The following AGAP1 variants were observed in gnomAD, a reference collection of about 807,000 sequenced individuals.
AGAP1 encodes ArfGAP with GTPase domain, ankyrin repeat and PH domain 1.
A neutral mutation model predicts 105.3 loss-of-function variants in AGAP1; 29 were observed. That is an observed-to-expected ratio of 0.28 (90% CI 0.21 to 0.38). The LOEUF is 0.38. Ranked by LOEUF, AGAP1 falls within the 10% of genes least tolerant of loss-of-function variation. The pLI is 1.00. For synonymous variants in AGAP1, 509 were observed against 485.9 expected, an observed-to-expected ratio of 1.05 and a Z score of -0.63; for missense variants, 998 against 1,165.1, an observed-to-expected ratio of 0.86 and a Z score of 2.09.
chr2:235,883,897 A>T lies in AGAP1; in HGVS notation c.1155+448A>T, dbSNP rs2124827769. Among the ~76,000 whole-genome samples the T allele has an allele frequency of 6.6e-6, 1 of 152,368 alleles. No individual in the cohort carries two copies. The highest frequency in any genetic ancestry group is 2.1e-4 in the South Asian group (1 of 4,834). ...GACTCAGCTTTTATTGTCAGATAAC[A>T]CATTCCAGTGCATTAGGCAAAAGAA... On this transcript the variant is annotated intron_variant, in intron 10 of 17. Coordinates refer to ENST00000304032, the MANE Select transcript of AGAP1 (RefSeq NM_001037131.3). The surrounding 1 kb of genome is among the most constrained non-coding windows in gnomAD (Gnocchi z 4.5).
intron 8 of AGAP1, among the ~76,000 whole-genome samples, chr2:235,805,240 T>A (rs1442530656): frequency 6.6e-6 from 1 of 152,204 alleles, no homozygotes; most frequent in Non-Finnish European, 1.5e-5. Context: ...GAAGTTTCAG[T>A]CTCTTTTATC....
chr2:236,105,361 T>G lies in AGAP1; in HGVS notation c.2115-14831T>G, dbSNP rs1321537655. On this transcript the variant is annotated intron_variant, in intron 16 of 17. Coordinates refer to ENST00000304032, the MANE Select transcript of AGAP1 (RefSeq NM_001037131.3). This position sits in a 1 kb window ranked among gnomAD's most constrained non-coding sequence, Gnocchi z 4.2. ...CAAGGACAGAGAGGAAGACAAAGGC[T>G]CTGTGAGCTGTGCCTGCTGTAACAA... is the stretch of plus-strand genomic sequence containing the variant. Among the ~76,000 whole-genome samples, 1 of 151,898 alleles carries G rather than the reference T, an allele frequency of 6.6e-6. No individual in the cohort carries two copies. Among genetic ancestry groups the G allele is most frequent in the Admixed American group, 6.6e-5 (1 of 15,236 alleles).
At chr2:235,918,097 G>A (rs1346527670) in intron 11 of AGAP1, among the ~76,000 whole-genome samples, 2 of 152,200 alleles carry the variant, frequency 1.3e-5, no homozygotes, top group Admixed American at 1.3e-4. Context: ...GTCCCCTGCC[G>A]GCATGCGGTG....
intron 12 of AGAP1, among the ~76,000 whole-genome samples, chr2:235,945,823 G>C (rs1046949668): frequency 6.6e-6 from 1 of 151,092 alleles, no homozygotes; most frequent in Admixed American, 6.6e-5. Context: ...TGGCTTCCGG[G>C]GGGGTGCCTC....
At chr2:235,576,042 G>T (rs889230404) in intron 1 of AGAP1, among the ~76,000 whole-genome samples, 2 of 152,126 alleles carry the variant, frequency 1.3e-5, no homozygotes, top group Non-Finnish European at 2.9e-5. Flanking sequence ...GTCACTGTCC[G>T]TGCACAGCCT....
rs977760233 is a variant in AGAP1 at position 236,040,420 on chromosome 2, CAGA to C, written c.1801-328_1801-326del. On this transcript the variant is annotated intron_variant, in intron 14 of 17. Coordinates refer to ENST00000304032, the MANE Select transcript of AGAP1 (RefSeq NM_001037131.3). This position sits in a 1 kb window ranked among gnomAD's most constrained non-coding sequence, Gnocchi z 5.6. ...ACCAAGTAGACATGTGGCTACTGCC[CAGA>C]AGGTTACCCATTTACCTTCTCCAGG... Among the ~76,000 whole-genome samples the C allele has an allele frequency of 6.6e-6, 1 of 152,138 alleles. No homozygotes were observed. Among genetic ancestry groups the C allele is most frequent in the Non-Finnish European group, 1.5e-5 (1 of 68,036 alleles).
Position 236,082,977 on chromosome 2 carries a change from G to A in AGAP1, c.2114+33696G>A, listed in dbSNP as rs977766660. Among the ~76,000 whole-genome samples the A allele has an allele frequency of 2.0e-5, 3 of 151,970 alleles. No individual in the cohort carries two copies. Among genetic ancestry groups the A allele is most frequent in the African/African-American group, 4.8e-5 (2 of 41,376 alleles). On this transcript the variant is annotated intron_variant, in intron 16 of 17. Transcript: ENST00000304032. The surrounding 1 kb of genome is among the most constrained non-coding windows in gnomAD (Gnocchi z 4.2). Reference sequence around the variant, plus strand: ...TCAAGACCAGCCTGACCAACATGGAGAAACCCTGTCTCTACTAAAAATACA... The same window carrying A: ...TCAAGACCAGCCTGACCAACATGGAAAAACCCTGTCTCTACTAAAAATACA...
chr2:235,929,822 G>T (rs1559659686), intron 11 of AGAP1, among the ~76,000 whole-genome samples: 1 of 152,312 alleles, frequency 6.6e-6, no homozygotes, highest in East Asian at 1.9e-4. Flanking sequence ...TAATTGGCCA[G>T]ATTTAAGAAC....
Position 235,739,688 on chromosome 2 carries a change from G to A in AGAP1, c.311-1275G>A, listed in dbSNP as rs1004273687. Among the ~76,000 whole-genome samples, 1 of 152,254 alleles carries A rather than the reference G, an allele frequency of 6.6e-6. No individual in the cohort carries two copies. The highest frequency in any genetic ancestry group is 2.4e-5 in the African/African-American group (1 of 41,470). ...ACACGAGCATGGCAGGAGCTCGCGG[G>A]AACGGGCCAACGCCCCACTGCCCCA... On this transcript the variant is annotated intron_variant, in intron 3 of 17. Transcript: ENST00000304032. The surrounding 1 kb of genome is among the most constrained non-coding windows in gnomAD (Gnocchi z 5.3).
intron 8 of AGAP1, among the ~76,000 whole-genome samples, chr2:235,800,256 G>C (rs961630747): frequency 6.6e-6 from 1 of 151,338 alleles, no homozygotes; most frequent in Admixed American, 6.6e-5. Flanking sequence ...TCACCACTAC[G>C]TGTGGCTAAT....
chr2:235,979,649 A>G lies in AGAP1; in HGVS notation c.1645+11026A>G, dbSNP rs1246830182. On this transcript the variant is annotated intron_variant, in intron 13 of 17. Transcript: ENST00000304032. This position sits in a 1 kb window ranked among gnomAD's most constrained non-coding sequence, Gnocchi z 4.5. ...CCGTGCACGGACACACAACTTCACA[A>G]GGGCCTCTTGTGCACGTGGGACATG... is the stretch of plus-strand genomic sequence containing the variant. Among the ~76,000 whole-genome samples, 2 of 152,150 alleles carry G rather than the reference A, an allele frequency of 1.3e-5. No homozygotes were observed. The highest frequency in any genetic ancestry group is 3.9e-4 in the East Asian group (2 of 5,178).
chr2:235,626,548 T>C (rs1416722390), intron 1 of AGAP1, among the ~76,000 whole-genome samples: 2 of 151,376 alleles, frequency 1.3e-5, no homozygotes, highest in East Asian at 2.0e-4. Context: ...AGAATGTTTG[T>C]GGCAGTGACA....
chr2:235,605,835 A>T (rs1170437857), intron 1 of AGAP1, among the ~76,000 whole-genome samples: 1 of 152,216 alleles, frequency 6.6e-6, no homozygotes, highest in African/African-American at 2.4e-5. Context: ...GACGCGGTGT[A>T]CGCCCTGTGT....
At position 235,824,963 on chromosome 2, in the gene AGAP1, A is replaced by G. The variant is rs949481663; in HGVS notation, c.1050+17632A>G. Among the ~76,000 whole-genome samples, 3 of 152,178 alleles carry G rather than the reference A, an allele frequency of 2.0e-5. No individual in the cohort carries two copies. The highest frequency in any genetic ancestry group is 4.8e-5 in the African/African-American group (2 of 41,440). On this transcript the variant is annotated intron_variant, in intron 9 of 17. Transcript: ENST00000304032. The surrounding 1 kb of genome is among the most constrained non-coding windows in gnomAD (Gnocchi z 5.2). ...TGGAAACCTTCCTTTTTTTATCAACAGTGGAGGAGATTCAGGAGACTTGAT... is the reference window on the plus strand; with the variant it reads ...TGGAAACCTTCCTTTTTTTATCAACGGTGGAGGAGATTCAGGAGACTTGAT...
At position 235,866,755 on chromosome 2, in the gene AGAP1, C is replaced by G. The variant is rs1161114515; in HGVS notation, c.1051-16590C>G. 6.6e-6 allele frequency among the ~76,000 whole-genome samples: 1 copy of G among 152,194 alleles called. No homozygotes were observed. Among genetic ancestry groups the G allele is most frequent in the Non-Finnish European group, 1.5e-5 (1 of 68,046 alleles). On this transcript the variant is annotated intron_variant, in intron 9 of 17. Transcript: ENST00000304032. The surrounding 1 kb of genome is among the most constrained non-coding windows in gnomAD (Gnocchi z 6.1). Reference sequence around the variant, plus strand: ...CAGTGGGATTGGCTTCTCCTGAAGCCTCTCTCCTTGGCTTGCAGACAGCCA... The same window carrying G: ...CAGTGGGATTGGCTTCTCCTGAAGCGTCTCTCCTTGGCTTGCAGACAGCCA...
intron 16 of AGAP1, among the ~76,000 whole-genome samples, chr2:236,067,098 G>T (rs907893653): frequency 2.9e-5 from 3 of 103,054 alleles, no homozygotes; most frequent in Non-Finnish European, 6.3e-5. Context: ...TCTGCTTCTG[G>T]AGTTGGGGTT....
At position 236,076,739 on chromosome 2, in the gene AGAP1, C is replaced by G. The variant is rs765234374; in HGVS notation, c.2114+27458C>G. On this transcript the variant is annotated intron_variant, in intron 16 of 17. Coordinates refer to ENST00000304032, the MANE Select transcript of AGAP1 (RefSeq NM_001037131.3). This position sits in a 1 kb window ranked among gnomAD's most constrained non-coding sequence, Gnocchi z 4.4. ...GCCCCAGCGCTATGAGCATACCTGG[C>G]AACAGACCACTTCCTAGAGAAATGC... is the stretch of plus-strand genomic sequence containing the variant. Among the ~76,000 whole-genome samples the G allele has an allele frequency of 2.6e-5, 4 of 152,134 alleles. No individual in the cohort carries two copies. Among genetic ancestry groups the G allele is most frequent in the Non-Finnish European group, 5.9e-5 (4 of 68,018 alleles).
intron 1 of AGAP1, chr2:235,670,702 G>A (rs1454460801): frequency 2.7e-6 from 2 of 747,862 alleles, no homozygotes; most frequent in African/African-American, 1.8e-5. Context: ...CGACCGCCAC[G>A]CAGCCCGCCT....
At position 235,953,395 on chromosome 2, in the gene AGAP1, C is replaced by T. The variant is rs1370983204; in HGVS notation, c.1484-15067C>T. On this transcript the variant is annotated intron_variant, in intron 12 of 17. Coordinates refer to ENST00000304032, the MANE Select transcript of AGAP1 (RefSeq NM_001037131.3). The surrounding 1 kb of genome is among the most constrained non-coding windows in gnomAD (Gnocchi z 5.2). ...TTATAAGATGTTAATTTTTTATTCTCCAAAATGTTCAGACTGCAAGGATAT... is the reference window on the plus strand; with the variant it reads ...TTATAAGATGTTAATTTTTTATTCTTCAAAATGTTCAGACTGCAAGGATAT... Among the ~76,000 whole-genome samples, 2 of 152,118 alleles carry T rather than the reference C, an allele frequency of 1.3e-5. No individual in the cohort carries two copies. Among genetic ancestry groups the T allele is most frequent in the African/African-American group, 2.4e-5 (1 of 41,432 alleles).
Sources: gnomAD v4.1 joint callset for allele counts (sites outside exome capture counted in the v4.1 genomes callset) on GRCh38, gnomAD v4.1.1 for gene constraint, Gnocchi (gnomAD v3.1) non-coding constraint, MANE v1.5 for transcripts, NCBI Gene and HGNC (gene_info 2026-07-23, HGNC 2026-07-21) for gene names.